Variants in BPGM observed in about 807,000 individuals in gnomAD.
The protein encoded by BPGM is bisphosphoglycerate mutase, also known as 2,3-bisphosphoglycerate mutase, erythrocyte.
In BPGM, 15 loss-of-function variants were observed where a neutral mutation model predicts 21.6. That is an observed-to-expected ratio of 0.70 (90% CI 0.47 to 1.07). BPGM has a LOEUF of 1.07. Among genes scored for constraint, BPGM ranks in the 50% least tolerant of loss-of-function variants. BPGM has a pLI of 0.00. For synonymous variants in BPGM, 113 were observed against 116.2 expected, an observed-to-expected ratio of 0.97 and a Z score of 0.18; for missense variants, 273 against 319.0, an observed-to-expected ratio of 0.86 and a Z score of 1.10.
chr7:134,659,962 C>T (rs1203594642), intron 1 of BPGM, among the ~76,000 whole-genome samples: 1 of 152,056 alleles, frequency 6.6e-6, no homozygotes. Flanking sequence ...ATATGTATAC[C>T]ATCTAGGTTT....
At position 134,661,654 on chromosome 7, in the gene BPGM, C is replaced by CAG; in HGVS notation, c.147_148insAG (p.Phe50SerfsTer21). The CAG allele has an allele frequency of 6.2e-7, 1 of 1,614,130 alleles. No individual in the cohort carries two copies. The highest frequency in any genetic ancestry group is 8.5e-7 in the Non-Finnish European group (1 of 1,180,032). ...GTGGGAAGCAACTCAAAGCGTTAAACTTTGAGTTTGATCTTGTATTCACAT... is the reference window on the plus strand; with the variant it reads ...GTGGGAAGCAACTCAAAGCGTTAAACAGTTTGAGTTTGATCTTGTATTCACAT... On this transcript the variant is annotated frameshift_variant, in exon 2 of 3. Transcript: ENST00000344924. LOFTEE classifies it high-confidence loss of function. This position sits in a 1 kb window ranked among gnomAD's most constrained non-coding sequence, Gnocchi z 4.6.
chr7:134,656,994 C>G (rs1232430399), intron 1 of BPGM, among the ~76,000 whole-genome samples: 1 of 152,118 alleles, frequency 6.6e-6, no homozygotes, highest in Non-Finnish European at 1.5e-5. Context: ...TATACCTGTT[C>G]CAAATGGGAG....
At chr7:134,651,828 G>T (rs986140986) in intron 1 of BPGM, among the ~76,000 whole-genome samples, 1 of 152,192 alleles carries the variant, frequency 6.6e-6, no homozygotes, top group Non-Finnish European at 1.5e-5. Flanking sequence ...CACCTGCAAA[G>T]TATGTTCTTT....
chr7:134,665,147 A>G (rs1795794948), intron 2 of BPGM, among the ~76,000 whole-genome samples: 1 of 152,148 alleles, frequency 6.6e-6, no homozygotes, highest in Non-Finnish European at 1.5e-5. Context: ...AGGTTAAAGG[A>G]TTTGTCATTG....
Position 134,664,471 on chromosome 7 carries a change from G to A in BPGM, c.601+2363G>A, listed in dbSNP as rs894507816. Among the ~76,000 whole-genome samples the A allele has an allele frequency of 6.6e-5, 10 of 152,098 alleles. No homozygotes were observed. The South Asian group carries it at 1.0e-3, about 16-fold the overall frequency. ...AGGCCACCAATAATATTAGCCTGCC[G>A]CCTCCCACCAGTGACCTCCATTTTA... On this transcript the variant is annotated intron_variant, in intron 2 of 2. Transcript: ENST00000344924.
rs145257117 is a variant in BPGM at position 134,670,535 on chromosome 7, A to G, written c.602-8318A>G. Among the ~76,000 whole-genome samples, 107 of 152,328 alleles carry G rather than the reference A, an allele frequency of 7.0e-4. 3 individuals carry two copies. In the East Asian group the frequency reaches 0.018, roughly 26 times the overall value. On this transcript the variant is annotated intron_variant, in intron 2 of 2. Transcript: ENST00000344924. ...TGGATTCTTCTCTCTGCCTTACTCT[A>G]AATTAGTGGCTGTTATTTTATCGTG...
chr7:134,658,270 T>A (rs1463155340), intron 1 of BPGM: 5 of 152,196 alleles, frequency 3.3e-5, no homozygotes, highest in Admixed American at 2.0e-4. Flanking sequence ...ACTCAAAGTT[T>A]CTCTGTGGTC....
intron 2 of BPGM, among the ~76,000 whole-genome samples, chr7:134,664,164 C>T (rs1199048917): frequency 2.0e-5 from 3 of 152,170 alleles, no homozygotes; most frequent in East Asian, 1.9e-4. Flanking sequence ...AGCAATCCCA[C>T]GCCTACCCAT....
chr7:134,677,819 A>T (rs758471389), intron 2 of BPGM, among the ~76,000 whole-genome samples: 2 of 152,174 alleles, frequency 1.3e-5, no homozygotes, highest in Non-Finnish European at 2.9e-5. Context: ...TCTCTTTCTC[A>T]TGCCTTCCCT....
chr7:134,651,451 A>G (rs970523276), intron 1 of BPGM, among the ~76,000 whole-genome samples: 3 of 152,156 alleles, frequency 2.0e-5, no homozygotes, highest in Admixed American at 1.3e-4. Flanking sequence ...GGGAGTACTT[A>G]TAACAGAGGA....
At chr7:134,660,133 C>G (rs1023418056) in intron 1 of BPGM, among the ~76,000 whole-genome samples, 1 of 152,070 alleles carries the variant, frequency 6.6e-6, no homozygotes, top group African/African-American at 2.4e-5. Flanking sequence ...AAATATAAAG[C>G]CTTATTTTAA....
At chr7:134,670,165 G>A (rs1374007814) in intron 2 of BPGM, among the ~76,000 whole-genome samples, 1 of 152,206 alleles carries the variant, frequency 6.6e-6, no homozygotes, top group East Asian at 1.9e-4. Flanking sequence ...GCAGTTTCAA[G>A]TTTGGAGTAA....
intron 2 of BPGM, among the ~76,000 whole-genome samples, chr7:134,672,367 C>T (rs1201336217): frequency 6.6e-6 from 1 of 152,100 alleles, no homozygotes; most frequent in Non-Finnish European, 1.5e-5. Context: ...CCACTGAGTT[C>T]TCACCCTGCA....
intron 2 of BPGM, among the ~76,000 whole-genome samples, chr7:134,666,445 G>A (rs1021723081): frequency 6.6e-6 from 1 of 152,038 alleles, no homozygotes; most frequent in Non-Finnish European, 1.5e-5. Flanking sequence ...CAGATAGAGG[G>A]AAAAAATGGC....
Position 134,661,708 on chromosome 7 carries a change from C to T in BPGM, c.201C>T (p.Ala67=). ...TCCTTAATCGGTCCATTCACACAGC[C>T]TGGCTGATCCTGGAAGAGCTAGGCC... ...TSVLNRSIHT[A]WLILEELGQE... The change falls in exon 2 of 3, where the codon GCC becomes GCT. Residue 67 remains alanine, a synonymous_variant. Coordinates refer to ENST00000344924, the MANE Select transcript of BPGM (RefSeq NM_001724.5). The surrounding 1 kb of genome is among the most constrained non-coding windows in gnomAD (Gnocchi z 4.6). 6.2e-7 allele frequency: 1 copy of T among 1,614,090 alleles called. No individual in the cohort carries two copies. The highest frequency in any genetic ancestry group is 1.1e-5 in the South Asian group (1 of 91,072).
intron 1 of BPGM, among the ~76,000 whole-genome samples, chr7:134,657,358 C>T (rs1403998245): frequency 1.3e-5 from 2 of 152,130 alleles, no homozygotes; most frequent in Non-Finnish European, 2.9e-5. Context: ...GGAAATAAAA[C>T]GAAAGCCTTG....
At chr7:134,662,430 A>T (rs1336349384) in intron 2 of BPGM, among the ~76,000 whole-genome samples, 1 of 152,188 alleles carries the variant, frequency 6.6e-6, no homozygotes, top group Non-Finnish European at 1.5e-5. Context: ...ATTTCTTAGA[A>T]GTTTTAGGTG....
intron 2 of BPGM, among the ~76,000 whole-genome samples, chr7:134,668,701 A>G (rs1355850473): frequency 1.3e-5 from 2 of 152,198 alleles, no homozygotes; most frequent in East Asian, 3.8e-4. Context: ...CATTTGATCA[A>G]TCATTGATCA....
intron 2 of BPGM, among the ~76,000 whole-genome samples, chr7:134,664,512 G>A (rs1373159799): frequency 6.6e-6 from 1 of 150,694 alleles, no homozygotes; most frequent in Non-Finnish European, 1.5e-5. Context: ...ATTATTCTCT[G>A]TTAAACACTG....
Sources: gnomAD v4.1 joint callset for allele counts (sites outside exome capture counted in the v4.1 genomes callset) on GRCh38, gnomAD v4.1.1 for gene constraint, Gnocchi (gnomAD v3.1) non-coding constraint, MANE v1.5 for transcripts, NCBI Gene and HGNC (gene_info 2026-07-23, HGNC 2026-07-21) for gene names.